The following TTC7B variants were observed in gnomAD, a reference collection of about 807,000 sequenced individuals.
TTC7B encodes tetratricopeptide repeat protein 7B.
TTC7B carries 28 observed loss-of-function variants against 106.8 expected under a neutral mutation model. The ratio of observed to expected loss-of-function variants is 0.26; its 90% CI spans 0.19 to 0.36. TTC7B has a LOEUF of 0.36. Among genes scored for constraint, TTC7B ranks in the 10% least tolerant of loss-of-function variants. The pLI, the probability that TTC7B is intolerant of heterozygous loss-of-function variation, is 1.00. For synonymous variants in TTC7B, 405 were observed against 430.6 expected, an observed-to-expected ratio of 0.94 and a Z score of 0.74; for missense variants, 862 against 1,076.4, an observed-to-expected ratio of 0.80 and a Z score of 2.79.
intron 3 of TTC7B, among the ~76,000 whole-genome samples, chr14:90,776,297 C>A (rs970699353): frequency 2.0e-5 from 3 of 152,022 alleles, no homozygotes; most frequent in African/African-American, 7.3e-5. Flanking sequence ...AGAAGAAACT[C>A]GAAATTGGTG....
intron 4 of TTC7B, among the ~76,000 whole-genome samples, chr14:90,741,503 A>G (rs758143016): frequency 1.3e-5 from 2 of 152,196 alleles, no homozygotes; most frequent in Non-Finnish European, 2.9e-5. Flanking sequence ...CCAGCGGAGC[A>G]AACAGGAACA....
intron 19 of TTC7B, among the ~76,000 whole-genome samples, chr14:90,543,926 T>C (rs994204037): frequency 3.2e-4 from 48 of 152,352 alleles, no homozygotes; most frequent in African/African-American, 1.1e-3. Flanking sequence ...GGCAGGAATG[T>C]GCCTGCCTTG....
chr14:90,571,687 G>A (rs562656652), intron 19 of TTC7B, among the ~76,000 whole-genome samples: 4 of 152,314 alleles, frequency 2.6e-5, no homozygotes, highest in East Asian at 1.9e-4. Flanking sequence ...AGAGATCCAC[G>A]TCTAAAGATG....
At chr14:90,583,391 G>T (rs1891582786) in intron 18 of TTC7B, among the ~76,000 whole-genome samples, 1 of 152,124 alleles carries the variant, frequency 6.6e-6, no homozygotes, top group Non-Finnish European at 1.5e-5. Context: ...CCATTTCTGT[G>T]GCACAGATCA....
At chr14:90,702,761 G>A (rs1052241366) in intron 5 of TTC7B, among the ~76,000 whole-genome samples, 19 of 152,302 alleles carry the variant, frequency 1.2e-4, no homozygotes, top group Admixed American at 3.9e-4. Flanking sequence ...TGTCAGGTAA[G>A]AACAGTAAAA....
At chr14:90,784,248 T>C (rs1891307151) in intron 2 of TTC7B, among the ~76,000 whole-genome samples, 1 of 152,114 alleles carries the variant, frequency 6.6e-6, no homozygotes, top group Non-Finnish European at 1.5e-5. Context: ...TGTGTCATCA[T>C]GTCATCGGTT....
intron 19 of TTC7B, among the ~76,000 whole-genome samples, chr14:90,571,101 T>G (rs749835939): frequency 6.6e-6 from 1 of 152,130 alleles, no homozygotes; most frequent in Non-Finnish European, 1.5e-5. Context: ...AGGGTCCCCA[T>G]CAGTAAACAA....
intron 1 of TTC7B, among the ~76,000 whole-genome samples, chr14:90,796,993 G>T: frequency 6.6e-6 from 1 of 150,960 alleles, no homozygotes; most frequent in Non-Finnish European, 1.5e-5. Context: ...TTACAGGCGC[G>T]CACCACCACA....
intron 18 of TTC7B, among the ~76,000 whole-genome samples, chr14:90,584,933 C>T (rs1469634241): frequency 2.0e-5 from 3 of 152,122 alleles, no homozygotes; most frequent in Non-Finnish European, 2.9e-5. Flanking sequence ...CCTGATGGGT[C>T]TCCTGTCACC....
chr14:90,531,835 G>T lies in TTC7B; in HGVS notation c.*9533C>A, dbSNP rs1213759728. The T allele has an allele frequency of 6.6e-6, 1 of 152,224 alleles. No homozygotes were observed. The highest frequency in any genetic ancestry group is 1.9e-4 in the East Asian group (1 of 5,204). The allele number at this position is 152,224 out of a possible 1,614,324, so 9.4% of individuals were successfully genotyped here. On this transcript the variant is annotated 3_prime_UTR_variant, in exon 20 of 20. Coordinates refer to ENST00000328459, the MANE Select transcript of TTC7B (RefSeq NM_001010854.2). Reference sequence around the variant, plus strand: ...GAATCTGAAAACACTGGACTGAAAAGTCTCATTGTGTCTGAGCTCTGCCCC... The same window carrying T: ...GAATCTGAAAACACTGGACTGAAAATTCTCATTGTGTCTGAGCTCTGCCCC...
chr14:90,547,940 C>G lies in TTC7B; in HGVS notation c.2311-6351G>C, dbSNP rs149251881. Among the ~76,000 whole-genome samples the G allele has an allele frequency of 1.5e-3, 228 of 152,300 alleles. 1 individual carries two copies. Among genetic ancestry groups the G allele is most frequent in the Middle Eastern group, 3.4e-3 (1 of 294 alleles). On this transcript the variant is annotated intron_variant, in intron 19 of 19. Transcript: ENST00000328459. ...GGGAGATAACGTCCCTGAAAGCATC[C>G]TTCCCAAGGAGAAGCCATTGCTGAA... is the stretch of plus-strand genomic sequence containing the variant.
In TTC7B at chr14:90,529,355, A is replaced by G. The variant is rs1395427751; in HGVS notation, c.*12013T>C. The G allele has an allele frequency of 6.6e-6, 1 of 152,340 alleles. No individual in the cohort carries two copies. Among genetic ancestry groups the G allele is most frequent in the Admixed American group, 6.5e-5 (1 of 15,294 alleles). 9.4% of individuals were successfully genotyped at this position (152,340 alleles called of 1,614,324 possible). ...CAGAGTCTAGCTACTGGAGCCAACC[A>G]GCGTGGCTTCGGCCAGTTAACAGAC... On this transcript the variant is annotated 3_prime_UTR_variant, in exon 20 of 20. Transcript: ENST00000328459.
rs567048923 is a variant in TTC7B, at chr14:90,624,683, C to A, written c.1752-6638G>T. Among the ~76,000 whole-genome samples the A allele has an allele frequency of 2.3e-4, 35 of 152,314 alleles. 1 individual carries two copies. The highest frequency in any genetic ancestry group is 3.4e-3 in the Middle Eastern group (1 of 294). The stretch of plus-strand genomic sequence containing the variant: ...AAATACTAAAGTAATAATTCCCTCC[C>A]ATCTTCTGTGTCAGTATAAAAAATG... On this transcript the variant is annotated intron_variant, in intron 15 of 19. Transcript: ENST00000328459. This position sits in a 1 kb window ranked among gnomAD's most constrained non-coding sequence, Gnocchi z 4.0.
intron 5 of TTC7B, among the ~76,000 whole-genome samples, chr14:90,728,785 T>C (rs1050383705): frequency 6.6e-6 from 1 of 152,196 alleles, no homozygotes; most frequent in East Asian, 1.9e-4. Context: ...CGGACCTCCA[T>C]ATTAACACAT....
chr14:90,747,561 C>T (rs1890007231), intron 3 of TTC7B, among the ~76,000 whole-genome samples: 1 of 152,140 alleles, frequency 6.6e-6, no homozygotes, highest in African/African-American at 2.4e-5. Context: ...TATGGTCAAT[C>T]TTGGTAAATG....
intron 5 of TTC7B, among the ~76,000 whole-genome samples, chr14:90,711,694 T>C (rs1285296737): frequency 2.0e-5 from 3 of 152,240 alleles, no homozygotes; most frequent in Non-Finnish European, 4.4e-5. Flanking sequence ...AGTGCTGGGA[T>C]TACAGGCGTG....
At chr14:90,677,225 G>C (rs1336589609) in intron 8 of TTC7B, among the ~76,000 whole-genome samples, 1 of 152,182 alleles carries the variant, frequency 6.6e-6, no homozygotes, top group Non-Finnish European at 1.5e-5. Context: ...AGAACACAAA[G>C]ATGAGTTCAA....
At chr14:90,751,093 G>A (rs182071839) in intron 3 of TTC7B, among the ~76,000 whole-genome samples, 2 of 152,302 alleles carry the variant, frequency 1.3e-5, no homozygotes, top group East Asian at 3.9e-4. Flanking sequence ...CCAGAGACAT[G>A]CCTGACAAAA....
At chr14:90,735,367 T>C (rs1465146122) in intron 4 of TTC7B, among the ~76,000 whole-genome samples, 2 of 149,208 alleles carry the variant, frequency 1.3e-5, no homozygotes, top group Non-Finnish European at 3.0e-5. Flanking sequence ...ATTAGCCAGG[T>C]GTGGTGGTGT....
Sources: allele counts gnomAD v4.1 joint callset (sites outside exome capture counted in the v4.1 genomes callset), GRCh38; gene constraint gnomAD v4.1.1; non-coding constraint Gnocchi (gnomAD v3.1); transcripts MANE v1.5; gene names NCBI Gene and HGNC (gene_info 2026-07-23, HGNC 2026-07-21).